Variants in RGPD2 observed in about 807,000 individuals in gnomAD.
RGPD2 encodes RANBP2-like and GRIP domain-containing protein 2.
A neutral mutation model predicts 36.0 loss-of-function variants in RGPD2; 2 were observed. The ratio of observed to expected loss-of-function variants is 0.06; its 90% confidence interval spans 0.02 to 0.17. The LOEUF is 0.17. RGPD2 is among the 10% of genes least tolerant of loss of function. The probability of loss-of-function intolerance (pLI) is 1.00; values close to 1 mark genes in which losing one functional copy is unlikely to be tolerated. For missense variants in RGPD2, 40 were observed against 464.3 expected (o/e 0.09, Z 8.40); for synonymous variants, 19 against 163.8 (o/e 0.12, Z 6.75).
the RGPD2 span, among the ~76,000 whole-genome samples, chr2:87,951,360 T>C: frequency 6.6e-6 from 1 of 151,496 alleles, no homozygotes; most frequent in African/African-American, 2.4e-5. Context: ...AACAAGAAAG[T>C]AGCAAGGGAC....
At chr2:87,968,623 G>C in the RGPD2 span, 1 of 154,874 alleles carries the variant, frequency 6.5e-6, no homozygotes, top group Non-Finnish European at 1.4e-5. Flanking sequence ...CGTTCCCAAA[G>C]TATACTCCTT....
At chr2:87,866,976 G>A in the RGPD2 span, among the ~76,000 whole-genome samples, 6 of 152,280 alleles carry the variant, frequency 3.9e-5, no homozygotes, top group South Asian at 2.1e-4. Context: ...CACCTAAATC[G>A]ATTTTTTTTC....
At chr2:87,843,006 A>G in the RGPD2 span, among the ~76,000 whole-genome samples, 1 of 151,532 alleles carries the variant, frequency 6.6e-6, no homozygotes, top group Non-Finnish European at 1.5e-5. Context: ...CTGGCTAGCC[A>G]TATGTAGAAA....
chr2:87,824,751 C>CGCCGCCCGGCCAGGCCGAG (rs1686570259), intron 1 of RGPD2, among the ~76,000 whole-genome samples: 3 of 86,674 alleles, frequency 3.5e-5, no homozygotes, highest in Non-Finnish European at 7.4e-5. Flanking sequence ...AGGCCGCCGC[C>CGCCGCCCGGCCAGGCCGAG]GCCGCCGCCG....
the RGPD2 span, among the ~76,000 whole-genome samples, chr2:87,966,666 G>A: frequency 3.4e-4 from 52 of 152,244 alleles, no homozygotes; most frequent in African/African-American, 1.1e-3. Flanking sequence ...AGTGGCTCAC[G>A]CCTGTAATCG....
the RGPD2 span, among the ~76,000 whole-genome samples, chr2:87,918,545 C>T: frequency 6.6e-6 from 1 of 150,712 alleles, no homozygotes; most frequent in Admixed American, 6.6e-5. Flanking sequence ...CTGCGATTCA[C>T]AGACAATGCA....
the RGPD2 span, among the ~76,000 whole-genome samples, chr2:87,883,962 C>T: frequency 1.3e-5 from 2 of 150,814 alleles, no homozygotes; most frequent in Non-Finnish European, 3.0e-5. Context: ...CGGATATATA[C>T]AGAACATTCC....
At chr2:87,956,496 A>C in the RGPD2 span, among the ~76,000 whole-genome samples, 1 of 123,746 alleles carries the variant, frequency 8.1e-6, no homozygotes, top group East Asian at 2.5e-4. Context: ...AAATTAAGAA[A>C]CCTTTATTCC....
At chr2:87,836,071 A>C in the RGPD2 span, among the ~76,000 whole-genome samples, 1 of 151,930 alleles carries the variant, frequency 6.6e-6, no homozygotes, top group Admixed American at 6.6e-5. Context: ...ATTGTACACA[A>C]GATTTTCATC....
At chr2:87,870,277 T>C in the RGPD2 span, among the ~76,000 whole-genome samples, 2 of 152,290 alleles carry the variant, frequency 1.3e-5, no homozygotes, top group African/African-American at 4.8e-5. Context: ...ATGTCTTGCA[T>C]GTGCAATCGA....
chr2:87,929,487 ATGTGTGTGTGTGTG>A, the RGPD2 span, among the ~76,000 whole-genome samples: 2 of 136,988 alleles, frequency 1.5e-5, no homozygotes, highest in Admixed American at 7.3e-5. Context: ...GTGTGTGTGT[ATGTGTGTGTGTGTG>A]TGTGTGTGTG....
chr2:87,834,708 A>G, the RGPD2 span, among the ~76,000 whole-genome samples: 2 of 152,084 alleles, frequency 1.3e-5, no homozygotes, highest in Non-Finnish European at 2.9e-5. Flanking sequence ...GTGGGGAAAG[A>G]TATTGTATTC....
upstream of RGPD2, among the ~76,000 whole-genome samples, chr2:87,827,396 C>T (rs1686849265): frequency 3.3e-5 from 5 of 151,360 alleles, no homozygotes; most frequent in South Asian, 1.0e-3. Flanking sequence ...CAAATTCCAA[C>T]TTTCTCACTT....
At chr2:87,837,298 C>A in the RGPD2 span, among the ~76,000 whole-genome samples, 3 of 151,956 alleles carry the variant, frequency 2.0e-5, no homozygotes, top group Non-Finnish European at 4.4e-5. Flanking sequence ...ATGGCACATA[C>A]CCTGAAATTG....
At chr2:87,919,142 TA>T in the RGPD2 span, among the ~76,000 whole-genome samples, 1 of 151,866 alleles carries the variant, frequency 6.6e-6, no homozygotes, top group African/African-American at 2.4e-5. Context: ...ATTAGGTTAT[TA>T]AACAGAAATA....
chr2:87,829,568 G>A (rs1487870448), upstream of RGPD2, among the ~76,000 whole-genome samples: 32 of 151,890 alleles, frequency 2.1e-4, no homozygotes, highest in African/African-American at 6.7e-4. Context: ...AATCACAGTG[G>A]AAGGGAAAAG....
intron 1 of RGPD2, among the ~76,000 whole-genome samples, chr2:87,824,450 C>T (rs1373797020): frequency 6.6e-6 from 1 of 152,082 alleles, no homozygotes; most frequent in African/African-American, 2.4e-5. Context: ...GATGGCCAGC[C>T]TCTGCCAAAC....
chr2:87,858,050 CATAT>C, the RGPD2 span, among the ~76,000 whole-genome samples: 8 of 152,178 alleles, frequency 5.3e-5, no homozygotes, highest in Admixed American at 4.6e-4. Flanking sequence ...CACACACACA[CATAT>C]ATATGTATAC....
At chr2:87,856,543 CT>C in the RGPD2 span, among the ~76,000 whole-genome samples, 1 of 145,148 alleles carries the variant, frequency 6.9e-6, no homozygotes, top group Non-Finnish European at 1.5e-5. Context: ...GGTCTATTGT[CT>C]CTTTAGATTA....
Sources: allele counts gnomAD v4.1 joint callset (sites outside exome capture counted in the v4.1 genomes callset), GRCh38; gene constraint gnomAD v4.1.1; transcripts MANE v1.5; gene names NCBI Gene and HGNC (gene_info 2026-07-23, HGNC 2026-07-21).